The following PCDHGC4 variants were observed in gnomAD, a reference collection of about 807,000 sequenced individuals.
The protein encoded by PCDHGC4 is protocadherin gamma-C4.
In PCDHGC4, 15 loss-of-function variants were observed where a neutral mutation model predicts 59.7. The ratio of observed to expected loss-of-function variants is 0.25; its 90% CI spans 0.17 to 0.39. The LOEUF is 0.39. Ranked by LOEUF, PCDHGC4 falls within the 10% of genes least tolerant of loss-of-function variation. The pLI is 1.00. For missense variants in PCDHGC4, 1,016 were observed against 1,189.5 expected, an observed-to-expected ratio of 0.85 and a Z score of 2.15; for synonymous variants, 434 against 481.4, an observed-to-expected ratio of 0.90 and a Z score of 1.29.
Position 141,487,691 on chromosome 5 carries a change from A to T in PCDHGC4, c.2442+76A>T. On this transcript the variant is annotated intron_variant, in intron 1 of 3. Transcript: ENST00000306593. The surrounding 1 kb of genome is among the most constrained non-coding windows in gnomAD (Gnocchi z 5.0). ...CATATGGCTAGGCCATGTCCTAGAG[A>T]GTACTGGCCTCTCAGTAAGTGCCCA... 6.2e-7 allele frequency: 1 copy of T among 1,604,122 alleles called. No individual in the cohort carries two copies. The highest frequency in any genetic ancestry group is 8.5e-7 in the Non-Finnish European group (1 of 1,174,384).
chr5:141,485,762 G>A lies in PCDHGC4; in HGVS notation c.589G>A (p.Glu197Lys), dbSNP rs774145313. 3.1e-6 allele frequency: 5 copies of A among 1,614,226 alleles called. No homozygotes were observed. The highest frequency in any genetic ancestry group is 3.3e-5 in the Admixed American group (2 of 60,030). ...CAGCCTGGTCCCAGAGCTGCTCCTG[G>A]AGAAGCCTTTGGATCGAGAGAAGCA... ...DGSLVPELLL[E>K]KPLDREKQSD... The change falls in exon 1 of 4, where the codon GAG becomes AAG. Residue 197 changes from glutamate to lysine, a missense_variant. Glu to Lys is a moderately conservative substitution (Grantham distance 56, BLOSUM62 1). Transcript: ENST00000306593. The surrounding 1 kb of genome is among the most constrained non-coding windows in gnomAD (Gnocchi z 5.7).
intron 2 of PCDHGC4, among the ~76,000 whole-genome samples, chr5:141,500,216 ATTT>A (rs979396489): frequency 3.1e-4 from 46 of 149,244 alleles, no homozygotes; most frequent in Non-Finnish European, 6.7e-4. Context: ...TTATTTATTT[ATTT>A]ATTTATTGAT....
rs774983500 is a variant in PCDHGC4 at position 141,490,973 on chromosome 5, G to T, written c.2442+3358G>T. ...GACTGGGAACACTCAGCCCCCCAGC[G>T]TCTCCCTCGCTCTGCTCCTCCTGGC... On this transcript the variant is annotated intron_variant, in intron 1 of 3. Transcript: ENST00000306593. The surrounding 1 kb of genome is among the most constrained non-coding windows in gnomAD (Gnocchi z 5.4). 1 of 1,613,932 alleles carries T rather than the reference G, an allele frequency of 6.2e-7. No individual in the cohort carries two copies. The highest frequency in any genetic ancestry group is 1.3e-5 in the African/African-American group (1 of 75,040).
chr5:141,504,752 A>G (rs1194764381), intron 2 of PCDHGC4, among the ~76,000 whole-genome samples: 23 of 151,894 alleles, frequency 1.5e-4, no homozygotes, highest in Non-Finnish European at 3.2e-4. Flanking sequence ...TGAATTTTAG[A>G]AATTTCTTCT....
rs376494807 is a variant in PCDHGC4 at position 141,491,836 on chromosome 5, G to A, written c.2443-2971G>A. 4.2e-5 allele frequency: 62 copies of A among 1,472,880 alleles called. No homozygotes were observed. The highest frequency in any genetic ancestry group is 3.6e-4 in the Middle Eastern group (2 of 5,606). 91.2% of individuals were successfully genotyped at this position (1,472,880 alleles called of 1,614,324 possible). A position where few individuals can be genotyped will look rare whatever the true frequency, so the allele number is the denominator to read the frequency against. On this transcript the variant is annotated intron_variant, in intron 1 of 3. Coordinates refer to ENST00000306593, the MANE Select transcript of PCDHGC4 (RefSeq NM_018928.3). This position sits in a 1 kb window ranked among gnomAD's most constrained non-coding sequence, Gnocchi z 6.9. ...CTGGCTGCGCTCCACCCGATTCTCG[G>A]GATCATTGGACCGTTTGCGCGAAAC...
intron 2 of PCDHGC4, among the ~76,000 whole-genome samples, chr5:141,496,104 G>A (rs950960102): frequency 6.8e-6 from 1 of 146,980 alleles, no homozygotes; most frequent in African/African-American, 2.5e-5. Context: ...CCAACACCCC[G>A]CTCTCTTCCT....
At position 141,487,447 on chromosome 5, in the gene PCDHGC4, C is replaced by A. The variant is rs758411138; in HGVS notation, c.2274C>A (p.Asp758Glu). 4.3e-6 allele frequency: 7 copies of A among 1,614,182 alleles called. No homozygotes were observed. The highest frequency in any genetic ancestry group is 5.9e-6 in the Non-Finnish European group (7 of 1,180,028). Reference sequence around the variant, plus strand: ...TCCGAATCCAGCTAGGGTCAGATGACCCTATCAAGTTTGTTGATGTGGGAG... The same window carrying A: ...TCCGAATCCAGCTAGGGTCAGATGAACCTATCAAGTTTGTTGATGTGGGAG... ...GILRIQLGSD[D>E]PIKFVDVGGH... The change falls in exon 1 of 4, where the codon GAC (aspartate) becomes GAA (glutamate). Residue 758 changes from aspartate (D) to glutamate (E), a missense_variant. Coordinates refer to ENST00000306593, the MANE Select transcript of PCDHGC4 (RefSeq NM_018928.3). The surrounding 1 kb of genome is among the most constrained non-coding windows in gnomAD (Gnocchi z 5.0).
Position 141,490,226 on chromosome 5 carries a change from C to T in PCDHGC4, c.2442+2611C>T. On this transcript the variant is annotated intron_variant, in intron 1 of 3. Coordinates refer to ENST00000306593, the MANE Select transcript of PCDHGC4 (RefSeq NM_018928.3). This position sits in a 1 kb window ranked among gnomAD's most constrained non-coding sequence, Gnocchi z 5.4. ...AGAGCCCGTGACCAGGGACAGCCTG[C>T]CATGGAGGGCCACTGTGTGATTCAA... The T allele has an allele frequency of 6.2e-7, 1 of 1,614,168 alleles. No homozygotes were observed. Among genetic ancestry groups the T allele is most frequent in the Non-Finnish European group, 8.5e-7 (1 of 1,180,020 alleles).
At position 141,487,667 on chromosome 5, in the gene PCDHGC4, ATATGGCTAGGCCATG is replaced by A; in HGVS notation, c.2442+54_2442+68del. 1.9e-6 allele frequency: 3 copies of A among 1,612,782 alleles called. No individual in the cohort carries two copies. In the South Asian group the frequency reaches 3.3e-5, roughly 18 times the overall value. ...GCTTGAGGGTTATTCTGATCCAGGC[ATATGGCTAGGCCATG>A]TCCTAGAGAGTACTGGCCTCTCAGT... On this transcript the variant is annotated intron_variant, in intron 1 of 3. Transcript: ENST00000306593. The surrounding 1 kb of genome is among the most constrained non-coding windows in gnomAD (Gnocchi z 5.0).
In PCDHGC4 at chr5:141,491,552, G is replaced by A. The variant is rs769927075; in HGVS notation, c.2443-3255G>A. 1 of 1,614,008 alleles carries A rather than the reference G, an allele frequency of 6.2e-7. No individual in the cohort carries two copies. The highest frequency in any genetic ancestry group is 1.7e-5 in the Admixed American group (1 of 60,024). On this transcript the variant is annotated intron_variant, in intron 1 of 3. Coordinates refer to ENST00000306593, the MANE Select transcript of PCDHGC4 (RefSeq NM_018928.3). This position sits in a 1 kb window ranked among gnomAD's most constrained non-coding sequence, Gnocchi z 6.9. Reference sequence around the variant, plus strand: ...ACGCTGCGGCCCACAGACTCGCAGAGCCACTGCTACAGGACGTGCTTTTCA... The same window carrying A: ...ACGCTGCGGCCCACAGACTCGCAGAACCACTGCTACAGGACGTGCTTTTCA...
In PCDHGC4 at chr5:141,486,649, C is replaced by G; in HGVS notation, c.1476C>G (p.Tyr492Ter). The change falls in exon 1 of 4, where the codon TAC becomes TAG. Residue 492 changes from tyrosine to a stop codon, truncating the protein, a stop_gained. Transcript: ENST00000306593. LOFTEE classifies it high-confidence loss of function. This position sits in a 1 kb window ranked among gnomAD's most constrained non-coding sequence, Gnocchi z 5.0. ...PDSGLNALIS[Y>*]SLLEPRNRDV... The stretch of plus-strand genomic sequence containing the variant: ...CTGGCTTGAATGCGCTTATCTCCTA[C>G]TCACTCCTGGAGCCCAGGAATCGAG... The G allele has an allele frequency of 6.2e-7, 1 of 1,613,952 alleles. No individual in the cohort carries two copies. The highest frequency in any genetic ancestry group is 8.5e-7 in the Non-Finnish European group (1 of 1,180,034).
In PCDHGC4 at chr5:141,485,111, G is replaced by C. The variant is rs2099607127; in HGVS notation, c.-63G>C. On this transcript the variant is annotated 5_prime_UTR_variant, in exon 1 of 4. Coordinates refer to ENST00000306593, the MANE Select transcript of PCDHGC4 (RefSeq NM_018928.3). The surrounding 1 kb of genome is among the most constrained non-coding windows in gnomAD (Gnocchi z 5.7). The stretch of plus-strand genomic sequence containing the variant: ...ATAGGTGTCTCCAGCTGCTGTGGCT[G>C]TTTGGGGCGGGTCGGCTTCATCCGC... 5.4e-6 allele frequency: 7 copies of C among 1,287,562 alleles called. No individual in the cohort carries two copies. The highest frequency in any genetic ancestry group is 7.8e-6 in the Non-Finnish European group (7 of 899,436). 79.8% of individuals were successfully genotyped at this position (1,287,562 alleles called of 1,614,324 possible). A position where few individuals can be genotyped will look rare whatever the true frequency, so the allele number is the denominator to read the frequency against.
intron 2 of PCDHGC4, among the ~76,000 whole-genome samples, chr5:141,502,478 A>G (rs2099814452): frequency 6.6e-6 from 1 of 150,896 alleles, no homozygotes; most frequent in Non-Finnish European, 1.5e-5. Flanking sequence ...CCGCAGCATC[A>G]CACTGGGACT....
chr5:141,489,088 G>GCCAA lies in PCDHGC4; in HGVS notation c.2442+1473_2442+1474insCCAA. The GCCAA allele has an allele frequency of 2.9e-6, 1 of 347,240 alleles. No individual in the cohort carries two copies. Among genetic ancestry groups the GCCAA allele is most frequent in the Non-Finnish European group, 5.0e-6 (1 of 200,708 alleles). The allele number at this position is 347,240 out of a possible 1,614,324, so 21.5% of individuals were successfully genotyped here. A position where few individuals can be genotyped will look rare whatever the true frequency, so the allele number is the denominator to read the frequency against. ...CCCCTGCCCACCCCCGCCACTCGGT[G>GCCAA]ACTAAGAACTGCTGCAAGCAGGCAA... On this transcript the variant is annotated intron_variant, in intron 1 of 3. Transcript: ENST00000306593. This position sits in a 1 kb window ranked among gnomAD's most constrained non-coding sequence, Gnocchi z 4.5.
rs1353509218 is a variant in PCDHGC4, at chr5:141,512,908, TTTATACTC to T, written c.*1737_*1744del. ...CCCTCTTCCTGTGTCTCACGCAAGTTTTATACTCTAATATTTATATGGCTTTTTTTCTT... is the reference window on the plus strand; with the variant it reads ...CCCTCTTCCTGTGTCTCACGCAAGTTTAATATTTATATGGCTTTTTTTCTT... On this transcript the variant is annotated 3_prime_UTR_variant, in exon 4 of 4. Transcript: ENST00000306593. 6.6e-6 allele frequency: 1 copy of T among 152,268 alleles called. No individual in the cohort carries two copies. Among genetic ancestry groups the T allele is most frequent in the Non-Finnish European group, 1.5e-5 (1 of 68,054 alleles). 9.4% of individuals were successfully genotyped at this position (152,268 alleles called of 1,614,324 possible).
chr5:141,508,527 GCACC>G (rs2099869479), intron 3 of PCDHGC4, among the ~76,000 whole-genome samples: 1 of 152,104 alleles, frequency 6.6e-6, no homozygotes, highest in Non-Finnish European at 1.5e-5. Flanking sequence ...CAACCTCAGG[GCACC>G]CCCCACGAGG....
Position 141,494,770 on chromosome 5 carries a change from C to T in PCDHGC4, c.2443-37C>T, listed in dbSNP as rs767006872. 43 of 1,614,022 alleles carry T rather than the reference C, an allele frequency of 2.7e-5. No homozygotes were observed. In the East Asian group the frequency reaches 7.6e-4, roughly 28 times the overall value. On this transcript the variant is annotated intron_variant, in intron 1 of 3. Coordinates refer to ENST00000306593, the MANE Select transcript of PCDHGC4 (RefSeq NM_018928.3). ...GCTCGGGTGACATTCTAACTTCTCA[C>T]GGGTACTCAGCCCCTTTCCCTCTGT...
rs1257933448 is a variant in PCDHGC4, at chr5:141,490,285, G to C, written c.2442+2670G>C. 3 of 1,614,106 alleles carry C rather than the reference G, an allele frequency of 1.9e-6. No homozygotes were observed. In the African/African-American group the frequency reaches 4.0e-5, roughly 22 times the overall value. On this transcript the variant is annotated intron_variant, in intron 1 of 3. Coordinates refer to ENST00000306593, the MANE Select transcript of PCDHGC4 (RefSeq NM_018928.3). This position sits in a 1 kb window ranked among gnomAD's most constrained non-coding sequence, Gnocchi z 5.4. ...GGGGGATGTCAATGACAATGCCCCAGAGGTGCTATTGGCCTCTTTGGCCAA... is the reference window on the plus strand; with the variant it reads ...GGGGGATGTCAATGACAATGCCCCACAGGTGCTATTGGCCTCTTTGGCCAA...
In PCDHGC4 at chr5:141,489,645, C is replaced by T; in HGVS notation, c.2442+2030C>T. 1.2e-6 allele frequency: 2 copies of T among 1,614,156 alleles called. No homozygotes were observed. The highest frequency in any genetic ancestry group is 2.7e-5 in the African/African-American group (2 of 75,022). On this transcript the variant is annotated intron_variant, in intron 1 of 3. Transcript: ENST00000306593. This position sits in a 1 kb window ranked among gnomAD's most constrained non-coding sequence, Gnocchi z 4.5. ...ATGACAACTCTCCTAGCTTTGCCAC[C>T]CCTGAGCGAGAGATGCGCATCTCAG...
Sources: allele counts gnomAD v4.1 joint callset (sites outside exome capture counted in the v4.1 genomes callset), GRCh38; gene constraint gnomAD v4.1.1; non-coding constraint Gnocchi (gnomAD v3.1); transcripts MANE v1.5; gene names NCBI Gene and HGNC (gene_info 2026-07-23, HGNC 2026-07-21).